The following STK32B variants were observed in gnomAD, a reference collection of about 807,000 sequenced individuals.
STK32B encodes serine/threonine-protein kinase 32B.
STK32B carries 43 observed loss-of-function variants against 52.6 expected under a neutral mutation model. The ratio of observed to expected loss-of-function variants is 0.82; its 90% CI spans 0.64 to 1.05. STK32B has a LOEUF of 1.05. Ranked by LOEUF, STK32B falls within the 50% of genes least tolerant of loss-of-function variation. The pLI is 0.00. For missense variants in STK32B, 621 were observed against 534.6 expected (o/e 1.16, Z -1.59); for synonymous variants, 238 against 204.3 (o/e 1.17, Z -1.41).
At chr4:5,150,976 T>C (rs1401992683) in intron 2 of STK32B, among the ~76,000 whole-genome samples, 2 of 152,226 alleles carry the variant, frequency 1.3e-5, no homozygotes, top group Non-Finnish European at 2.9e-5. Flanking sequence ...ATTGAGAGTT[T>C]TGTTCCTGAA....
At chr4:5,087,066 A>G (rs1038412331) in intron 1 of STK32B, among the ~76,000 whole-genome samples, 3 of 152,174 alleles carry the variant, frequency 2.0e-5, no homozygotes, top group Non-Finnish European at 2.9e-5. Context: ...TTTGTTTGCA[A>G]TTCTTTTTAT....
At chr4:5,275,275 A>G (rs1727739310) in intron 3 of STK32B, among the ~76,000 whole-genome samples, 1 of 152,224 alleles carries the variant, frequency 6.6e-6, no homozygotes, top group South Asian at 2.1e-4. Context: ...TTTTTGTTCC[A>G]TTATCACAGA....
At chr4:5,118,635 A>G (rs1055829617) in intron 1 of STK32B, among the ~76,000 whole-genome samples, 8 of 152,092 alleles carry the variant, frequency 5.3e-5, no homozygotes, top group Admixed American at 2.6e-4. Context: ...ATCCACCCCC[A>G]CTTTATCTCC....
At chr4:5,209,690 A>G (rs959078378) in intron 3 of STK32B, among the ~76,000 whole-genome samples, 2 of 152,190 alleles carry the variant, frequency 1.3e-5, no homozygotes, top group Non-Finnish European at 2.9e-5. Flanking sequence ...ATCTACACCA[A>G]GCACCTCTGT....
chr4:5,275,153 G>A (rs1019056281), intron 3 of STK32B, among the ~76,000 whole-genome samples: 2 of 152,172 alleles, frequency 1.3e-5, no homozygotes, highest in African/African-American at 4.8e-5. Context: ...TTTTGGAAGT[G>A]GCCTGCCACC....
chr4:5,107,909 A>G (rs1284761509), intron 1 of STK32B, among the ~76,000 whole-genome samples: 3 of 152,212 alleles, frequency 2.0e-5, no homozygotes, highest in Non-Finnish European at 4.4e-5. Context: ...ATTAAAACGT[A>G]GCAAACACAC....
intron 2 of STK32B, among the ~76,000 whole-genome samples, chr4:5,165,273 A>G (rs886760473): frequency 6.6e-6 from 1 of 152,218 alleles, no homozygotes; most frequent in African/African-American, 2.4e-5. Flanking sequence ...AATATCCTGT[A>G]TCAACCGCCT....
intron 1 of STK32B, among the ~76,000 whole-genome samples, chr4:5,080,878 C>T (rs1224560708): frequency 6.6e-6 from 1 of 152,176 alleles, no homozygotes; most frequent in Non-Finnish European, 1.5e-5. Context: ...AGTCACCATG[C>T]TGTACCATTA....
intron 3 of STK32B, among the ~76,000 whole-genome samples, chr4:5,314,495 C>T (rs952092915): frequency 2.0e-5 from 3 of 152,090 alleles, no homozygotes; most frequent in African/African-American, 7.2e-5. Flanking sequence ...CACGTTGAAA[C>T]CCTGTCTCTA....
At chr4:5,351,257 A>G (rs1733804774) in intron 4 of STK32B, among the ~76,000 whole-genome samples, 1 of 152,128 alleles carries the variant, frequency 6.6e-6, no homozygotes, top group African/African-American at 2.4e-5. Context: ...AAATTATGTC[A>G]AATGTTTTCT....
At chr4:5,316,397 CAT>C (rs1455272818) in intron 3 of STK32B, among the ~76,000 whole-genome samples, 1 of 23,530 alleles carries the variant, frequency 4.2e-5, no homozygotes, top group Non-Finnish European at 5.7e-5. Flanking sequence ...TAATATATTA[CAT>C]ATATAATATA....
intron 11 of STK32B, among the ~76,000 whole-genome samples, chr4:5,495,627 A>C (rs943215767): frequency 6.6e-6 from 1 of 152,102 alleles, no homozygotes; most frequent in South Asian, 2.1e-4. Flanking sequence ...GAGGAGCTGC[A>C]TTCCTTTGGA....
At chr4:5,430,972 G>C (rs1051346619) in intron 6 of STK32B, among the ~76,000 whole-genome samples, 1 of 152,202 alleles carries the variant, frequency 6.6e-6, no homozygotes, top group African/African-American at 2.4e-5. Context: ...GGCAGAGGGT[G>C]GGGAGAGTAA....
intron 5 of STK32B, among the ~76,000 whole-genome samples, chr4:5,410,322 A>G (rs920592500): frequency 6.6e-6 from 1 of 151,754 alleles, no homozygotes; most frequent in African/African-American, 2.4e-5. Flanking sequence ...TGGGTCCTGT[A>G]AACCAGCTGA....
At chr4:5,132,723 G>C (rs918049956) in intron 1 of STK32B, among the ~76,000 whole-genome samples, 1 of 151,914 alleles carries the variant, frequency 6.6e-6, no homozygotes. Context: ...AACCTACCAA[G>C]TATATGGCCA....
At chr4:5,350,465 C>G (rs977822047) in intron 4 of STK32B, among the ~76,000 whole-genome samples, 2 of 151,646 alleles carry the variant, frequency 1.3e-5, no homozygotes, top group Admixed American at 1.3e-4. Flanking sequence ...TGAAAACACA[C>G]AAAAATATGA....
the STK32B span, among the ~76,000 whole-genome samples, chr4:5,044,674 A>G: frequency 6.6e-6 from 1 of 152,158 alleles, no homozygotes; most frequent in Admixed American, 6.6e-5. Context: ...GGGAGGCCCA[A>G]AGCTGGAGGA....
intron 6 of STK32B, among the ~76,000 whole-genome samples, chr4:5,428,224 A>AAGATCATCCTG (rs1713260265): frequency 3.3e-5 from 5 of 152,150 alleles, no homozygotes; most frequent in Admixed American, 3.3e-4. Context: ...TGGTTAACAC[A>AAGATCATCCTG]GTGAAACCCC....
chr4:5,188,864 G>A (rs1720955061), intron 3 of STK32B, among the ~76,000 whole-genome samples: 1 of 151,188 alleles, frequency 6.6e-6, no homozygotes, highest in South Asian at 2.1e-4. Context: ...GGCCTGTCAG[G>A]GGGTGGGGGG....
Sources: gnomAD v4.1 joint callset for allele counts (sites outside exome capture counted in the v4.1 genomes callset) on GRCh38, gnomAD v4.1.1 for gene constraint, MANE v1.5 for transcripts, NCBI Gene and HGNC (gene_info 2026-07-23, HGNC 2026-07-21) for gene names.